The following SERGEF variants were observed in gnomAD, a reference collection of about 807,000 sequenced individuals.
The protein encoded by SERGEF is secretion regulating guanine nucleotide exchange factor.
Under a neutral mutation model 50.0 loss-of-function variants are expected in SERGEF, and 51 were observed. That is an observed-to-expected ratio of 1.02 (90% CI 0.81 to 1.29). The LOEUF is 1.29. SERGEF is among the 50% of genes most tolerant of loss of function. The pLI, the probability that SERGEF is intolerant of heterozygous loss-of-function variation, is 0.00. For missense variants in SERGEF, 521 were observed against 557.0 expected, an observed-to-expected ratio of 0.94 and a Z score of 0.65; for synonymous variants, 205 against 212.4, an observed-to-expected ratio of 0.97 and a Z score of 0.30.
intron 1 of SERGEF, chr11:18,012,701 G>T: frequency 9.3e-7 from 1 of 1,075,040 alleles, no homozygotes; most frequent in Non-Finnish European, 1.2e-6. Flanking sequence ...GGTTCTTCCC[G>T]CGGCGCCACA....
intron 9 of SERGEF, among the ~76,000 whole-genome samples, chr11:17,922,548 G>T (rs1197076399): frequency 2.6e-5 from 4 of 152,152 alleles, no homozygotes; most frequent in Admixed American, 2.6e-4. Flanking sequence ...TGCTCCTTGG[G>T]TGGCAGTTTC....
intron 9 of SERGEF, among the ~76,000 whole-genome samples, chr11:17,951,925 C>A (rs1421574186): frequency 6.6e-6 from 1 of 152,238 alleles, no homozygotes; most frequent in South Asian, 2.1e-4. Context: ...CTGGAAGAAC[C>A]CATTACAGAG....
chr11:17,845,550 C>T (rs912993457), intron 10 of SERGEF, among the ~76,000 whole-genome samples: 2 of 152,202 alleles, frequency 1.3e-5, no homozygotes, highest in Admixed American at 6.5e-5. Flanking sequence ...CTAGGCAAGA[C>T]ACACCCTTCT....
At chr11:17,853,179 G>C (rs919754051) in intron 10 of SERGEF, among the ~76,000 whole-genome samples, 1 of 151,962 alleles carries the variant, frequency 6.6e-6, no homozygotes, top group African/African-American at 2.4e-5. Context: ...TTCATATGGT[G>C]GTTGTGATGA....
At chr11:17,921,733 G>T (rs1026901297) in intron 9 of SERGEF, among the ~76,000 whole-genome samples, 1 of 152,140 alleles carries the variant, frequency 6.6e-6, no homozygotes, top group African/African-American at 2.4e-5. Flanking sequence ...TAAAGCATGG[G>T]GGAAGGTGAA....
At chr11:17,984,096 C>T (rs1853547947) in intron 8 of SERGEF, among the ~76,000 whole-genome samples, 1 of 152,118 alleles carries the variant, frequency 6.6e-6, no homozygotes, top group African/African-American at 2.4e-5. Flanking sequence ...AATGGGAAGC[C>T]ATATGAATGT....
chr11:17,912,053 C>T lies in SERGEF; in HGVS notation c.1012-33809G>A, dbSNP rs74419597. On this transcript the variant is annotated intron_variant, in intron 9 of 10. Transcript: ENST00000265965. ...TAAGTGGAGGTGGGAATACTGATTC[C>T]AGAATAAAGATAAAAGTAAGACCCT... 5.7e-3 allele frequency among the ~76,000 whole-genome samples: 870 copies of T among 151,998 alleles called. 18 individuals are homozygous for T. In the East Asian group the frequency reaches 0.07, roughly 12 times the overall value.
At chr11:17,999,526 C>T in intron 5 of SERGEF, 1 of 454,808 alleles carries the variant, frequency 2.2e-6, no homozygotes, top group South Asian at 1.6e-5. Flanking sequence ...CACAAGTGGA[C>T]TCACGAAGCA....
chr11:18,005,764 C>T (rs770717019), intron 3 of SERGEF, among the ~76,000 whole-genome samples: 3 of 152,170 alleles, frequency 2.0e-5, no homozygotes, highest in Non-Finnish European at 4.4e-5. Flanking sequence ...AAGTGCATTA[C>T]TCTAATAACC....
rs1421876272 is a variant in SERGEF at position 17,991,365 on chromosome 11, T to A, written c.685+1566A>T. ...TTAAGAAGTTGAAGTTGGCAAACAA[T>A]TAGACAAGCTCTAGGTTTACATACC... On this transcript the variant is annotated intron_variant, in intron 7 of 10. Coordinates refer to ENST00000265965, the MANE Select transcript of SERGEF (RefSeq NM_012139.4). The surrounding 1 kb of genome is among the most constrained non-coding windows in gnomAD (Gnocchi z 4.9). Among the ~76,000 whole-genome samples, 1 of 152,186 alleles carries A rather than the reference T, an allele frequency of 6.6e-6. No individual in the cohort carries two copies. The highest frequency in any genetic ancestry group is 1.5e-5 in the Non-Finnish European group (1 of 68,030).
chr11:17,942,590 C>T (rs1852582485), intron 9 of SERGEF, among the ~76,000 whole-genome samples: 1 of 152,138 alleles, frequency 6.6e-6, no homozygotes, highest in South Asian at 2.1e-4. Context: ...TGATTTTAAG[C>T]CTTTTATTGC....
At chr11:17,924,250 G>C (rs371589) in intron 9 of SERGEF, among the ~76,000 whole-genome samples, 2 of 152,128 alleles carry the variant, frequency 1.3e-5, no homozygotes, top group South Asian at 4.1e-4. Flanking sequence ...ATTACTCTGA[G>C]AGCAGAAAGG....
At chr11:17,937,460 C>G (rs1718185305) in intron 9 of SERGEF, among the ~76,000 whole-genome samples, 1 of 152,030 alleles carries the variant, frequency 6.6e-6, no homozygotes, top group Non-Finnish European at 1.5e-5. Context: ...TTGCTTCAAC[C>G]CAGGAGGCAG....
rs780751290 is a variant in SERGEF, at chr11:17,988,593, T to C, written c.844+4A>G. 6.2e-7 allele frequency: 1 copy of C among 1,613,768 alleles called. No individual in the cohort carries two copies. Among genetic ancestry groups the C allele is most frequent in the Non-Finnish European group, 8.5e-7 (1 of 1,179,876 alleles). Reference sequence around the variant, plus strand: ...CAACCGTAAGTTCTCTGCTACTGTCTCACCTGTCTGAGCAACCAGGTGTGT... The same window carrying C: ...CAACCGTAAGTTCTCTGCTACTGTCCCACCTGTCTGAGCAACCAGGTGTGT... On this transcript the variant is annotated splice_donor_region_variant and intron_variant, in intron 8 of 10. Transcript: ENST00000265965.
At chr11:17,824,573 C>G (rs1231287743) in intron 10 of SERGEF, among the ~76,000 whole-genome samples, 2 of 152,178 alleles carry the variant, frequency 1.3e-5, no homozygotes, top group Admixed American at 6.5e-5. Context: ...GCTGAAACAA[C>G]AGAAATTAAT....
intron 10 of SERGEF, among the ~76,000 whole-genome samples, chr11:17,867,882 C>T (rs545987727): frequency 1.7e-4 from 26 of 152,284 alleles, no homozygotes; most frequent in Non-Finnish European, 3.5e-4. Context: ...TACATTGGCC[C>T]CTTTCAGCCA....
chr11:17,969,941 T>A (rs1038400197), intron 8 of SERGEF, among the ~76,000 whole-genome samples: 2 of 152,202 alleles, frequency 1.3e-5, no homozygotes, highest in Non-Finnish European at 2.9e-5. Flanking sequence ...ATCATTTGCT[T>A]CTAGCTGGGT....
intron 9 of SERGEF, chr11:17,918,653 T>TAC (rs979209553): frequency 1.6e-5 from 6 of 366,284 alleles, no homozygotes; most frequent in Admixed American, 3.2e-5. Flanking sequence ...CACACACACA[T>TAC]ACACACACAC....
chr11:17,868,769 G>A (rs866234135), intron 10 of SERGEF, among the ~76,000 whole-genome samples: 4 of 152,186 alleles, frequency 2.6e-5, no homozygotes, highest in African/African-American at 9.7e-5. Context: ...GGAGGAGAAA[G>A]TCACATCTTA....
Sources: allele counts gnomAD v4.1 joint callset (sites outside exome capture counted in the v4.1 genomes callset), GRCh38; gene constraint gnomAD v4.1.1; non-coding constraint Gnocchi (gnomAD v3.1); transcripts MANE v1.5; gene names NCBI Gene and HGNC (gene_info 2026-07-23, HGNC 2026-07-21).